ROBO2: variants seen among roughly 807,000 people sequenced by gnomAD.
ROBO2 encodes the protein roundabout guidance receptor 2.
ROBO2 carries 53 observed loss-of-function variants against 160.8 expected under a neutral mutation model. That is an observed-to-expected ratio of 0.33 (90% CI 0.26 to 0.41). The LOEUF (loss-of-function observed/expected upper bound fraction) is 0.41. Ranked by LOEUF, ROBO2 falls within the 10% of genes least tolerant of loss-of-function variation. The probability of loss-of-function intolerance (pLI) is 1.00; values close to 1 mark genes in which losing one functional copy is unlikely to be tolerated. For synonymous variants in ROBO2, 664 were observed against 611.7 expected (o/e 1.09, Z -1.26); for missense variants, 1,577 against 1,722.4 (o/e 0.92, Z 1.49).
intron 2 of ROBO2, among the ~76,000 whole-genome samples, chr3:76,863,891 T>C (rs1172033645): frequency 6.6e-6 from 1 of 152,092 alleles, no homozygotes; most frequent in Non-Finnish European, 1.5e-5. Flanking sequence ...TAATTGTCTT[T>C]TGTTGAAGCT....
intron 2 of ROBO2, among the ~76,000 whole-genome samples, chr3:76,219,477 A>C (rs566619683): frequency 1.3e-5 from 2 of 152,344 alleles, no homozygotes; most frequent in South Asian, 4.1e-4. Context: ...ACAAATTTAC[A>C]AGAAGAAAAC....
intron 2 of ROBO2, among the ~76,000 whole-genome samples, chr3:76,369,275 T>G (rs1206825226): frequency 6.6e-6 from 1 of 151,930 alleles, no homozygotes; most frequent in Admixed American, 6.6e-5. Context: ...CTGGAAATCA[T>G]TCATTGGCCT....
chr3:76,144,084 C>G (rs915471332), intron 2 of ROBO2, among the ~76,000 whole-genome samples: 1 of 151,864 alleles, frequency 6.6e-6, no homozygotes, highest in Non-Finnish European at 1.5e-5. Context: ...CCACAGACAC[C>G]TCAGAATGAT....
At chr3:76,100,301 T>C (rs1218943618) in intron 2 of ROBO2, among the ~76,000 whole-genome samples, 1 of 152,224 alleles carries the variant, frequency 6.6e-6, no homozygotes, top group Non-Finnish European at 1.5e-5. Context: ...ACATTATCTT[T>C]TGCTGTTTAT....
chr3:77,568,515 GT>G (rs2093554008), intron 13 of ROBO2, 81 bp downstream of exon 14: 1 of 1,534,832 alleles, frequency 6.5e-7, no homozygotes, highest in South Asian at 1.1e-5. Flanking sequence ...TGAACAAAGA[GT>G]GATAATAAAA....
At chr3:76,524,022 T>C (rs915099339) in intron 2 of ROBO2, among the ~76,000 whole-genome samples, 1 of 151,406 alleles carries the variant, frequency 6.6e-6, no homozygotes, top group African/African-American at 2.4e-5. Flanking sequence ...TCTTCACATA[T>C]CAGAGAAAAA....
At chr3:76,863,163 C>G (rs2070983430) in intron 2 of ROBO2, among the ~76,000 whole-genome samples, 1 of 152,116 alleles carries the variant, frequency 6.6e-6, no homozygotes, top group Non-Finnish European at 1.5e-5. Flanking sequence ...GACTTGTCTT[C>G]TAGCCACGTG....
chr3:76,321,496 CAAA>C (rs368795660), intron 2 of ROBO2, among the ~76,000 whole-genome samples: 861 of 74,516 alleles, frequency 0.012, 6 homozygotes, highest in African/African-American at 0.022. Context: ...GGCTCCATCT[CAAA>C]AAACAACAAC....
At chr3:77,232,174 G>T (rs894361188) in intron 2 of ROBO2, among the ~76,000 whole-genome samples, 3 of 152,094 alleles carry the variant, frequency 2.0e-5, no homozygotes, top group Admixed American at 6.6e-5. Flanking sequence ...GTTGCATTCT[G>T]GTGAAAGAGA....
chr3:77,153,586 C>T (rs1039096875), intron 2 of ROBO2, among the ~76,000 whole-genome samples: 1 of 152,018 alleles, frequency 6.6e-6, no homozygotes, highest in Non-Finnish European at 1.5e-5. Flanking sequence ...TTCCTAGTTC[C>T]TGATCACATG....
chr3:77,533,166 A>C (rs563088159), intron 6 of ROBO2, among the ~76,000 whole-genome samples: 104 of 152,252 alleles, frequency 6.8e-4, no homozygotes, highest in African/African-American at 2.4e-3. Flanking sequence ...CTAAAAACAT[A>C]CTATGTTCTT....
At chr3:76,631,661 G>A (rs1159736277) in intron 2 of ROBO2, among the ~76,000 whole-genome samples, 1 of 152,082 alleles carries the variant, frequency 6.6e-6, no homozygotes, top group African/African-American at 2.4e-5. Context: ...AAATCCTTTT[G>A]CATAGAGTTA....
chr3:76,366,527 A>T (rs1012492576), intron 2 of ROBO2, among the ~76,000 whole-genome samples: 1 of 152,080 alleles, frequency 6.6e-6, no homozygotes, highest in Non-Finnish European at 1.5e-5. Flanking sequence ...ACTGAAAAAG[A>T]ACAGAGTAAG....
intron 2 of ROBO2, among the ~76,000 whole-genome samples, chr3:76,655,443 T>TATATATATATATGG (rs2091466178): frequency 7.8e-6 from 1 of 128,514 alleles, no homozygotes; most frequent in African/African-American, 2.9e-5. Flanking sequence ...TTTTTCCATA[T>TATATATATATATGG]ATATATATAT....
chr3:75,999,412 C>T (rs1432313939), intron 2 of ROBO2, among the ~76,000 whole-genome samples: 1 of 152,120 alleles, frequency 6.6e-6, no homozygotes, highest in East Asian at 1.9e-4. Context: ...TTTAGGTTCA[C>T]AGCAAAACTG....
intron 2 of ROBO2, among the ~76,000 whole-genome samples, chr3:76,831,752 C>T (rs1454860340): frequency 2.0e-5 from 3 of 151,904 alleles, no homozygotes; most frequent in Non-Finnish European, 4.4e-5. Context: ...AATAGAAATC[C>T]CAACATAAAT....
intron 2 of ROBO2, among the ~76,000 whole-genome samples, chr3:76,693,172 T>G (rs922546729): frequency 1.3e-5 from 2 of 148,930 alleles, no homozygotes; most frequent in Admixed American, 6.8e-5. Context: ...TCTCTATATA[T>G]AGTGTATCTA....
intron 2 of ROBO2, among the ~76,000 whole-genome samples, chr3:76,045,628 C>T (rs542208477): frequency 6.6e-6 from 1 of 152,204 alleles, no homozygotes; most frequent in African/African-American, 2.4e-5. Context: ...TCAGTCAACA[C>T]CATAAATGCT....
chr3:76,581,530 C>T (rs1280472928), intron 2 of ROBO2, among the ~76,000 whole-genome samples: 1 of 152,018 alleles, frequency 6.6e-6, no homozygotes, highest in African/African-American at 2.4e-5. Flanking sequence ...CCCAGCTACT[C>T]GGGAGACTGA....
Sources: allele counts gnomAD v4.1 joint callset (sites outside exome capture counted in the v4.1 genomes callset), GRCh38; gene constraint gnomAD v4.1.1; transcripts MANE v1.5; gene names NCBI Gene and HGNC (gene_info 2026-07-23, HGNC 2026-07-21).